The following KHDRBS3 variants were observed in gnomAD, a reference collection of about 807,000 sequenced individuals.
KHDRBS3 encodes KH domain-containing, RNA-binding, signal transduction-associated protein 3.
A neutral mutation model predicts 45.6 loss-of-function variants in KHDRBS3; 23 were observed. That is an observed-to-expected ratio of 0.50 (90% CI 0.36 to 0.72). The LOEUF (loss-of-function observed/expected upper bound fraction) is 0.72. Ranked by LOEUF, KHDRBS3 falls within the 30% of genes least tolerant of loss-of-function variation. KHDRBS3 has a pLI of 0.00. For synonymous variants in KHDRBS3, 162 were observed against 156.5 expected (o/e 1.04, Z -0.26); for missense variants, 352 against 424.8 (o/e 0.83, Z 1.51).
At chr8:135,538,641 T>A (rs990701230) in intron 2 of KHDRBS3, 1 of 152,192 alleles carries the variant, frequency 6.6e-6, no homozygotes, top group African/African-American at 2.4e-5. Context: ...AAGCCACACC[T>A]GGTAAATGTG....
chr8:135,592,762 G>GC (rs1554635842), intron 6 of KHDRBS3, among the ~76,000 whole-genome samples: 4 of 152,156 alleles, frequency 2.6e-5, no homozygotes, highest in African/African-American at 9.7e-5. Context: ...TCGAACTCTG[G>GC]TTATATAGCA....
chr8:135,532,286 GAGCTA>G (rs1275355689), intron 2 of KHDRBS3, among the ~76,000 whole-genome samples: 1 of 152,172 alleles, frequency 6.6e-6, no homozygotes. Context: ...ATGTCCCATT[GAGCTA>G]ATAAAAGTAT....
At chr8:135,597,366 A>C (rs1182259464) in intron 6 of KHDRBS3, among the ~76,000 whole-genome samples, 1 of 152,184 alleles carries the variant, frequency 6.6e-6, no homozygotes, top group Non-Finnish European at 1.5e-5. Flanking sequence ...AAATGTTGGA[A>C]GTATACAAAC....
chr8:135,625,392 C>T (rs1314067693), intron 7 of KHDRBS3: 2 of 804,502 alleles, frequency 2.5e-6, no homozygotes, highest in Non-Finnish European at 4.4e-6. Flanking sequence ...ACATTGAGTG[C>T]TGCATCAACT....
At chr8:135,548,061 CAGAT>C (rs1826398788) in intron 3 of KHDRBS3, among the ~76,000 whole-genome samples, 1 of 152,240 alleles carries the variant, frequency 6.6e-6, no homozygotes, top group East Asian at 1.9e-4. Context: ...GTTTTATTCT[CAGAT>C]AGAATATAGT....
At chr8:135,553,061 C>G (rs907490656) in intron 4 of KHDRBS3, among the ~76,000 whole-genome samples, 2 of 152,164 alleles carry the variant, frequency 1.3e-5, no homozygotes, top group African/African-American at 2.4e-5. Flanking sequence ...TGCATATAGC[C>G]TTCCATCCAG....
At chr8:135,507,063 C>T (rs866356244) in intron 1 of KHDRBS3, among the ~76,000 whole-genome samples, 3 of 152,232 alleles carry the variant, frequency 2.0e-5, no homozygotes, top group Middle Eastern at 6.8e-3. Flanking sequence ...AAATAGACTG[C>T]AGATATATTC....
intron 7 of KHDRBS3, among the ~76,000 whole-genome samples, chr8:135,623,996 A>G (rs919732405): frequency 2.0e-5 from 3 of 152,242 alleles, no homozygotes; most frequent in African/African-American, 7.2e-5. Context: ...TTTAAATATT[A>G]ATTTTTAGAC....
At chr8:135,509,898 T>G (rs1430192807) in intron 1 of KHDRBS3, among the ~76,000 whole-genome samples, 1 of 152,160 alleles carries the variant, frequency 6.6e-6, no homozygotes, top group African/African-American at 2.4e-5. Context: ...TCACAAATTC[T>G]TCTTGAAATC....
intron 5 of KHDRBS3, among the ~76,000 whole-genome samples, chr8:135,576,008 C>A (rs1309923764): frequency 6.6e-6 from 1 of 152,160 alleles, no homozygotes; most frequent in African/African-American, 2.4e-5. Context: ...ATGATCTTAA[C>A]AGTTTTGAGG....
At chr8:135,646,955 G>T (rs1235012808) in intron 8 of KHDRBS3, 38 bp from the exon 9 acceptor site, 1 of 1,086,618 alleles carries the variant, frequency 9.2e-7, no homozygotes, top group East Asian at 2.4e-5. Context: ...TGGGATTCAT[G>T]GCAGTGATCT....
At chr8:135,546,425 A>C (rs1826305227) in intron 3 of KHDRBS3, among the ~76,000 whole-genome samples, 1 of 152,220 alleles carries the variant, frequency 6.6e-6, no homozygotes, top group Non-Finnish European at 1.5e-5. Context: ...TATGGGAGTC[A>C]TTATTGATGT....
chr8:135,535,268 T>C (rs1825680758), intron 2 of KHDRBS3, among the ~76,000 whole-genome samples: 1 of 139,828 alleles, frequency 7.2e-6, no homozygotes, highest in South Asian at 2.3e-4. Context: ...AACTATTATA[T>C]ATAGTTAAAC....
intron 1 of KHDRBS3, among the ~76,000 whole-genome samples, chr8:135,480,497 A>G (rs1348299991): frequency 6.6e-6 from 1 of 152,136 alleles, no homozygotes; most frequent in African/African-American, 2.4e-5. Context: ...TGTAGTATAT[A>G]CTTTACTGGA....
intron 1 of KHDRBS3, among the ~76,000 whole-genome samples, chr8:135,496,023 G>T (rs1320312764): frequency 1.3e-5 from 2 of 151,406 alleles, no homozygotes; most frequent in African/African-American, 4.9e-5. Context: ...TTCTAGGGAA[G>T]TAAAAGTAGA....
chr8:135,519,597 C>A (rs956552558), intron 1 of KHDRBS3, among the ~76,000 whole-genome samples: 1 of 152,186 alleles, frequency 6.6e-6, no homozygotes, highest in African/African-American at 2.4e-5. Context: ...GTTTTAGAAC[C>A]AAATCGTTGG....
chr8:135,589,898 A>G (rs1213062347), intron 6 of KHDRBS3, among the ~76,000 whole-genome samples: 2 of 152,246 alleles, frequency 1.3e-5, no homozygotes, highest in African/African-American at 2.4e-5. Context: ...AAAATTGAGT[A>G]TCTTAAACAA....
intron 3 of KHDRBS3, 106 bp from the exon 4 acceptor site, chr8:135,548,648 T>C: frequency 3.3e-6 from 3 of 899,064 alleles, no homozygotes; most frequent in South Asian, 2.4e-5. Flanking sequence ...GCTTGCCAGA[T>C]GGATTGTTTT....
At chr8:135,613,118 C>G (rs1278201946) in intron 7 of KHDRBS3, among the ~76,000 whole-genome samples, 6 of 151,770 alleles carry the variant, frequency 4.0e-5, no homozygotes, top group Non-Finnish European at 1.5e-5. Context: ...CATATTCCTA[C>G]TTTTTAAATT....
Sources: allele counts gnomAD v4.1 joint callset (sites outside exome capture counted in the v4.1 genomes callset), GRCh38; gene constraint gnomAD v4.1.1; transcripts MANE v1.5; gene names NCBI Gene and HGNC (gene_info 2026-07-23, HGNC 2026-07-21).